EYS: variants seen among roughly 807,000 people sequenced by gnomAD.
EYS encodes the protein EGF-like photoreceptor maintenance factor.
EYS carries 250 observed loss-of-function variants against 282.1 expected under a neutral mutation model. The ratio of observed to expected loss-of-function variants is 0.89; its 90% CI spans 0.80 to 0.98. The LOEUF (loss-of-function observed/expected upper bound fraction) is 0.98, where lower values mean the gene tolerates loss of function less well. Among genes scored for constraint, EYS ranks in the 50% least tolerant of loss-of-function variants. EYS has a pLI of 0.00. For synonymous variants in EYS, 1,355 were observed against 1,282.9 expected (o/e 1.06, Z -1.20); for missense variants, 4,016 against 3,709.0 (o/e 1.08, Z -2.15).
chr6:63,937,801 G>C (rs1451446474), intron 35 of EYS, among the ~76,000 whole-genome samples: 1 of 152,048 alleles, frequency 6.6e-6, no homozygotes, highest in Non-Finnish European at 1.5e-5. Context: ...GAACTATGCT[G>C]GATATTTAAT....
At chr6:65,299,479 T>C (rs566504453) in intron 11 of EYS, among the ~76,000 whole-genome samples, 1 of 152,270 alleles carries the variant, frequency 6.6e-6, no homozygotes, top group East Asian at 1.9e-4. Context: ...GGGATGTTCT[T>C]AGGAAAGTGT....
intron 22 of EYS, among the ~76,000 whole-genome samples, chr6:64,696,604 A>C (rs1053988844): frequency 2.0e-5 from 3 of 152,198 alleles, no homozygotes; most frequent in Admixed American, 1.3e-4. Context: ...AACCAGAAAG[A>C]GAAAAGCGTC....
intron 30 of EYS, among the ~76,000 whole-genome samples, chr6:64,281,424 T>C (rs956800430): frequency 6.6e-6 from 1 of 152,114 alleles, no homozygotes; most frequent in African/African-American, 2.4e-5. Flanking sequence ...ATGAATTGCA[T>C]CATTTAAACT....
chr6:64,167,463 AT>A (rs150596016), intron 31 of EYS, among the ~76,000 whole-genome samples: 1,678 of 152,234 alleles, frequency 0.011, 29 homozygotes, highest in African/African-American at 0.038. Context: ...TTTCTTTCAA[AT>A]TTAGCACATG....
At position 64,287,862 on chromosome 6, in the gene EYS, C is replaced by A. The variant is rs148850515; in HGVS notation, c.6191+19108G>T. 1.9e-3 allele frequency among the ~76,000 whole-genome samples: 290 copies of A among 152,188 alleles called. 1 individual carries two copies. Among genetic ancestry groups the A allele is most frequent in the African/African-American group, 6.7e-3 (278 of 41,524 alleles). On this transcript the variant is annotated intron_variant, in intron 30 of 42. Coordinates refer to ENST00000503581, the MANE Select transcript of EYS (RefSeq NM_001142800.2). ...CTGATATGAAGTAACCCTATGGAGA[C>A]AACAACAAAGCCTGAGAAGCTCAGC...
intron 7 of EYS, among the ~76,000 whole-genome samples, chr6:65,395,127 G>A (rs560783799): frequency 2.6e-5 from 4 of 152,318 alleles, no homozygotes; most frequent in East Asian, 3.9e-4. Flanking sequence ...GCAATGGCGC[G>A]ATCTTAGCTC....
At chr6:65,265,138 G>A (rs951798683) in intron 12 of EYS, among the ~76,000 whole-genome samples, 1 of 151,706 alleles carries the variant, frequency 6.6e-6, no homozygotes, top group Admixed American at 6.6e-5. Flanking sequence ...CTAATTATTG[G>A]GTGCTAAGCT....
At chr6:65,305,243 GAAAGGGTGCAAGCAA>G (rs1371578669) in intron 11 of EYS, among the ~76,000 whole-genome samples, 1 of 152,206 alleles carries the variant, frequency 6.6e-6, no homozygotes, top group Non-Finnish European at 1.5e-5. Context: ...GAGATCAAGT[GAAAGGGTGCAAGCAA>G]ACTTAGTGAC....
At chr6:64,557,242 ACAC>A (rs1765263233) in intron 26 of EYS, among the ~76,000 whole-genome samples, 2 of 147,034 alleles carry the variant, frequency 1.4e-5, no homozygotes, top group African/African-American at 5.2e-5. Context: ...ACACACACAC[ACAC>A]ACACACATTT....
intron 31 of EYS, among the ~76,000 whole-genome samples, chr6:64,140,191 C>T (rs1774296991): frequency 6.6e-6 from 1 of 152,036 alleles, no homozygotes; most frequent in Non-Finnish European, 1.5e-5. Context: ...GGTAACCCCC[C>T]ATCTATTTTG....
At chr6:65,061,724 A>C (rs1290757931) in intron 12 of EYS, among the ~76,000 whole-genome samples, 1 of 151,894 alleles carries the variant, frequency 6.6e-6, no homozygotes, top group East Asian at 1.9e-4. Context: ...TCTGTTACTT[A>C]ATGATATTTA....
At chr6:63,929,676 T>C (rs1764828223) in intron 35 of EYS, among the ~76,000 whole-genome samples, 1 of 152,196 alleles carries the variant, frequency 6.6e-6, no homozygotes. Context: ...TTTAGCAAAG[T>C]AACACGTTCA....
intron 12 of EYS, among the ~76,000 whole-genome samples, chr6:65,211,136 C>A (rs1036727977): frequency 5.3e-5 from 8 of 152,010 alleles, no homozygotes; most frequent in Admixed American, 2.0e-4. Flanking sequence ...TTCAAGAAAA[C>A]CTATTACTCT....
At chr6:64,364,015 T>C (rs1240360511) in intron 29 of EYS, among the ~76,000 whole-genome samples, 1 of 151,890 alleles carries the variant, frequency 6.6e-6, no homozygotes, top group African/African-American at 2.4e-5. Flanking sequence ...ATCTTCAGCC[T>C]TTTATGACAC....
chr6:65,700,950 G>C (rs1035448933), intron 1 of EYS, among the ~76,000 whole-genome samples: 1 of 152,058 alleles, frequency 6.6e-6, no homozygotes, highest in Admixed American at 6.5e-5. Flanking sequence ...CACATATCTG[G>C]TTTATTGTTT....
intron 12 of EYS, among the ~76,000 whole-genome samples, chr6:65,141,440 T>C (rs955349666): frequency 1.3e-4 from 19 of 151,928 alleles, no homozygotes; most frequent in Admixed American, 3.3e-4. Context: ...CATGTATACA[T>C]ATGTAACTAA....
chr6:64,254,211 A>C (rs1767316936), intron 30 of EYS, among the ~76,000 whole-genome samples: 1 of 151,986 alleles, frequency 6.6e-6, no homozygotes, highest in Admixed American at 6.6e-5. Context: ...CTCTCAAGAA[A>C]ATTTTAAAAC....
intron 12 of EYS, among the ~76,000 whole-genome samples, chr6:65,142,983 C>A (rs183991340): frequency 1.4e-4 from 22 of 151,952 alleles, no homozygotes; most frequent in Non-Finnish European, 5.9e-5. Flanking sequence ...ATATGTGACA[C>A]CTTCTTCCAA....
intron 29 of EYS, among the ~76,000 whole-genome samples, chr6:64,323,822 C>T (rs1320734611): frequency 6.6e-6 from 1 of 151,990 alleles, no homozygotes; most frequent in Non-Finnish European, 1.5e-5. Flanking sequence ...GCAGTAGATG[C>T]CGTGGTATCC....
Sources: allele counts gnomAD v4.1 joint callset (sites outside exome capture counted in the v4.1 genomes callset), GRCh38; gene constraint gnomAD v4.1.1; transcripts MANE v1.5; gene names NCBI Gene and HGNC (gene_info 2026-07-23, HGNC 2026-07-21).